RAB5C: variants seen among roughly 807,000 people sequenced by gnomAD.
The protein encoded by RAB5C is RAB5C, member RAS oncogene family, also known as ras-related protein Rab-5C.
RAB5C carries 4 observed loss-of-function variants against 25.2 expected under a neutral mutation model. The observed-to-expected ratio is 0.16, with a 90% CI of 0.08 to 0.36. RAB5C has a LOEUF of 0.36. RAB5C is among the 10% of genes least tolerant of loss of function. RAB5C has a pLI of 1.00. For missense variants in RAB5C, 199 were observed against 283.8 expected (o/e 0.70, Z 2.15); for synonymous variants, 100 against 106.4 (o/e 0.94, Z 0.37).
intron 1 of RAB5C, among the ~76,000 whole-genome samples, chr17:42,141,436 G>C (rs2079602753): frequency 6.6e-6 from 1 of 152,234 alleles, no homozygotes; most frequent in African/African-American, 2.4e-5. Context: ...CCCATAGTAG[G>C]TGAGCACAGA....
chr17:42,132,028 C>G (rs1248166501), intron 1 of RAB5C, among the ~76,000 whole-genome samples: 1 of 152,166 alleles, frequency 6.6e-6, no homozygotes, highest in South Asian at 2.1e-4. Context: ...GGGAGAGCCC[C>G]GATCTGCCCC....
Position 42,128,212 on chromosome 17 carries a change from G to A in RAB5C, c.441+49C>T, listed in dbSNP as rs1383123823. 5 of 1,584,590 alleles carry A rather than the reference G, an allele frequency of 3.2e-6. No individual in the cohort carries two copies. In the East Asian group the frequency reaches 9.1e-5, roughly 29 times the overall value. On this transcript the variant is annotated intron_variant, in intron 4 of 5. Transcript: ENST00000346213. ...CCCCTGAGCATCCCAGGCGAGGCCG[G>A]GGGGAGCTGCTTACTCCACTCCTTC... is the stretch of plus-strand genomic sequence containing the variant.
At chr17:42,129,161 C>T (rs1295204258) in intron 2 of RAB5C, among the ~76,000 whole-genome samples, 1 of 152,144 alleles carries the variant, frequency 6.6e-6, no homozygotes, top group Non-Finnish European at 1.5e-5. Context: ...CGCCCTCAGA[C>T]CTCCTCCTCC....
rs369605167 is a variant in RAB5C at position 42,126,460 on chromosome 17, GTC to G, written c.535+293_535+294del. On this transcript the variant is annotated intron_variant, in intron 5 of 5. Coordinates refer to ENST00000346213, the MANE Select transcript of RAB5C (RefSeq NM_004583.4). ...ATCCTGGCTAACACCGTGAAACCCC[GTC>G]TCTACCAAAAATACAAAAAATTAGC... 2.9e-3 allele frequency: 593 copies of G among 204,404 alleles called. 4 individuals carry two copies. The highest frequency in any genetic ancestry group is 0.013 in the African/African-American group (570 of 42,648). 12.7% of individuals were successfully genotyped at this position (204,404 alleles called of 1,614,324 possible).
At chr17:42,129,796 T>C (rs2054466679) in intron 2 of RAB5C, among the ~76,000 whole-genome samples, 1 of 152,248 alleles carries the variant, frequency 6.6e-6, no homozygotes, top group Non-Finnish European at 1.5e-5. Context: ...TTGATGTGTG[T>C]GTTAGCCACG....
At chr17:42,127,929 C>T (rs1022366448) in intron 4 of RAB5C, among the ~76,000 whole-genome samples, 1 of 151,762 alleles carries the variant, frequency 6.6e-6, no homozygotes, top group Non-Finnish European at 1.5e-5. Flanking sequence ...AAACAATCCT[C>T]GTGCCTCAGC....
At chr17:42,145,998 G>A (rs1395883540) in intron 1 of RAB5C, among the ~76,000 whole-genome samples, 2 of 151,996 alleles carry the variant, frequency 1.3e-5, no homozygotes, top group Non-Finnish European at 2.9e-5. Context: ...ATAGAGATGA[G>A]GCTTCACCAT....
At chr17:42,139,047 G>T (rs926702612) in intron 1 of RAB5C, among the ~76,000 whole-genome samples, 3 of 152,214 alleles carry the variant, frequency 2.0e-5, no homozygotes, top group Non-Finnish European at 4.4e-5. Flanking sequence ...AATGACAGAT[G>T]GGTTCTCTGG....
chr17:42,128,536 C>T, intron 3 of RAB5C, 113 bp downstream of exon 3: 3 of 418,874 alleles, frequency 7.2e-6, no homozygotes, highest in African/African-American at 2.3e-5. Context: ...AATCTGCCCA[C>T]CCCCCACCCA....
At chr17:42,126,699 G>T in intron 5 of RAB5C, 56 bp downstream of exon 5, 1 of 1,005,354 alleles carries the variant, frequency 9.9e-7, no homozygotes, top group African/African-American at 1.7e-5. Context: ...TAGACCAGCA[G>T]ACAGGTGATA....
At chr17:42,148,292 G>C (rs1261075821) in intron 1 of RAB5C, among the ~76,000 whole-genome samples, 1 of 149,508 alleles carries the variant, frequency 6.7e-6, no homozygotes, top group Non-Finnish European at 1.5e-5. Context: ...GTAATCCCAG[G>C]TACTAGGGAG....
chr17:42,126,888 T>C (rs768038993), intron 4 of RAB5C, 40 bp from the exon 5 acceptor site: 6 of 1,378,884 alleles, frequency 4.4e-6, no homozygotes, highest in Admixed American at 1.7e-5. Flanking sequence ...GAGGGAAATG[T>C]TGGCAGGGGC....
At chr17:42,136,268 T>C (rs1025950230) in intron 1 of RAB5C, 2 of 152,190 alleles carry the variant, frequency 1.3e-5, no homozygotes, top group African/African-American at 2.4e-5. Context: ...GATTTACCCA[T>C]AGGCTCAAGA....
intron 1 of RAB5C, among the ~76,000 whole-genome samples, chr17:42,147,234 G>A (rs140880243): frequency 1.1e-4 from 16 of 152,254 alleles, no homozygotes; most frequent in African/African-American, 3.6e-4. Context: ...CACAGGACCA[G>A]GGAATGTTAA....
intron 2 of RAB5C, among the ~76,000 whole-genome samples, chr17:42,129,037 G>A (rs948595489): frequency 2.6e-5 from 4 of 152,098 alleles, no homozygotes; most frequent in African/African-American, 9.7e-5. Flanking sequence ...AACGGCAGGA[G>A]AAGGGACTCC....
intron 1 of RAB5C, among the ~76,000 whole-genome samples, chr17:42,133,567 G>C (rs559140486): frequency 1.2e-4 from 18 of 152,322 alleles, no homozygotes; most frequent in African/African-American, 4.3e-4. Flanking sequence ...GTTTGGCACA[G>C]AGCCCAGCAT....
At chr17:42,130,747 G>T (rs538044018) in intron 1 of RAB5C, among the ~76,000 whole-genome samples, 157 bp from the exon 2 acceptor site, 1 of 151,514 alleles carries the variant, frequency 6.6e-6, no homozygotes, top group East Asian at 1.9e-4. Context: ...AGGTCAGGAG[G>T]CCCCACTGGG....
At chr17:42,143,707 C>T (rs763708274) in intron 1 of RAB5C, among the ~76,000 whole-genome samples, 11 of 152,126 alleles carry the variant, frequency 7.2e-5, no homozygotes, top group Non-Finnish European at 1.5e-4. Context: ...AATGACTAGG[C>T]AGGTCAAAGG....
In RAB5C at chr17:42,128,403, A is replaced by G. The variant is rs1299350424; in HGVS notation, c.319-20T>C. 6.2e-7 allele frequency: 1 copy of G among 1,607,360 alleles called. No homozygotes were observed. Among genetic ancestry groups the G allele is most frequent in the Admixed American group, 1.7e-5 (1 of 59,492 alleles). ...TGTATCCTGAGGAGACAGGGACAGA[A>G]TGTCGAAGGGACAGAGAAGGCATTC... is the stretch of plus-strand genomic sequence containing the variant. On this transcript the variant is annotated intron_variant, in intron 3 of 5. Coordinates refer to ENST00000346213, the MANE Select transcript of RAB5C (RefSeq NM_004583.4).
Sources: gnomAD v4.1 joint callset for allele counts (sites outside exome capture counted in the v4.1 genomes callset) on GRCh38, gnomAD v4.1.1 for gene constraint, MANE v1.5 for transcripts, NCBI Gene and HGNC (gene_info 2026-07-23, HGNC 2026-07-21) for gene names.